Variants in VPS8 observed in about 807,000 individuals in gnomAD.
The protein encoded by VPS8 is VPS8 subunit of CORVET complex.
Under a neutral mutation model 216.4 loss-of-function variants are expected in VPS8, and 129 were observed. That is an observed-to-expected ratio of 0.60 (90% CI 0.52 to 0.69). VPS8 has a LOEUF of 0.69. Among genes scored for constraint, VPS8 ranks in the 30% least tolerant of loss-of-function variants. The pLI is 0.00. For synonymous variants in VPS8, 571 were observed against 565.4 expected, an observed-to-expected ratio of 1.01 and a Z score of -0.14; for missense variants, 1,531 against 1,683.5, an observed-to-expected ratio of 0.91 and a Z score of 1.59.
intron 22 of VPS8, among the ~76,000 whole-genome samples, chr3:184,892,642 G>T (rs1416569040): frequency 6.6e-6 from 1 of 152,166 alleles, no homozygotes; most frequent in Non-Finnish European, 1.5e-5. Context: ...GCAAATAGGA[G>T]TTGCTGAGCC....
At chr3:184,830,966 A>G (rs1012172585) in intron 3 of VPS8, among the ~76,000 whole-genome samples, 3 of 152,224 alleles carry the variant, frequency 2.0e-5, no homozygotes, top group Admixed American at 2.0e-4. Flanking sequence ...TCTTAAAGCT[A>G]TAGATATGGA....
chr3:184,867,095 A>C (rs969203302), intron 17 of VPS8, 145 bp downstream of exon 17: 1 of 632,270 alleles, frequency 1.6e-6, no homozygotes. Flanking sequence ...GGTAGGCATG[A>C]TTTTTAGTTA....
At chr3:184,823,233 C>T (rs544445490) in intron 1 of VPS8, among the ~76,000 whole-genome samples, 1 of 152,278 alleles carries the variant, frequency 6.6e-6, no homozygotes, top group East Asian at 1.9e-4. Context: ...TTATTTCAAG[C>T]CAGGCATGAT....
chr3:184,826,688 G>C (rs1577739575), intron 3 of VPS8, among the ~76,000 whole-genome samples: 1 of 152,336 alleles, frequency 6.6e-6, no homozygotes, highest in East Asian at 1.9e-4. Flanking sequence ...TGTATTATGT[G>C]TTGCTAATGG....
intron 29 of VPS8, among the ~76,000 whole-genome samples, chr3:184,924,621 A>C (rs1346833970): frequency 6.6e-6 from 1 of 152,144 alleles, no homozygotes; most frequent in Admixed American, 6.5e-5. Context: ...CTCTTTATCA[A>C]TTCAGGTCTC....
At chr3:184,875,163 A>G (rs1020136254) in intron 21 of VPS8, among the ~76,000 whole-genome samples, 1 of 149,950 alleles carries the variant, frequency 6.7e-6, no homozygotes, top group African/African-American at 2.5e-5. Context: ...GTTAGTTGAA[A>G]TTCCTATTAA....
intron 36 of VPS8, 79 bp downstream of exon 36, chr3:184,940,322 C>A: frequency 1.9e-6 from 1 of 519,570 alleles, no homozygotes; most frequent in Non-Finnish European, 2.9e-6. Context: ...AAGTTACCAG[C>A]CCATGGTATC....
chr3:184,969,141 G>A (rs186977530), intron 39 of VPS8, among the ~76,000 whole-genome samples: 1 of 151,982 alleles, frequency 6.6e-6, no homozygotes, highest in African/African-American at 2.4e-5. Context: ...CTGGGGGGAC[G>A]GCGTCTCGCT....
chr3:185,004,781 A>G (rs6414512), intron 45 of VPS8, among the ~76,000 whole-genome samples: 146,173 of 152,186 alleles, frequency 0.96, 70,487 homozygotes, highest in East Asian at 1. Flanking sequence ...TAGATCCATA[A>G]TTTGTGAATA....
At chr3:184,993,480 C>T (rs1377254633) in intron 42 of VPS8, among the ~76,000 whole-genome samples, 1 of 151,828 alleles carries the variant, frequency 6.6e-6, no homozygotes, top group Non-Finnish European at 1.5e-5. Flanking sequence ...TTTTGTTTAT[C>T]AGTAGTGACC....
intron 8 of VPS8, among the ~76,000 whole-genome samples, chr3:184,845,706 G>T (rs1722990226): frequency 6.9e-6 from 1 of 143,960 alleles, no homozygotes; most frequent in African/African-American, 2.6e-5. Context: ...GGTGAGCCCA[G>T]ATCGTGCCAT....
intron 30 of VPS8, among the ~76,000 whole-genome samples, chr3:184,926,128 C>T (rs1205937638): frequency 1.3e-5 from 2 of 150,878 alleles, no homozygotes; most frequent in East Asian, 2.0e-4. Context: ...GTAATCCCAA[C>T]ACTTTGGGAG....
intron 45 of VPS8, among the ~76,000 whole-genome samples, chr3:185,023,689 G>A (rs1561166588): frequency 6.6e-6 from 1 of 151,986 alleles, no homozygotes; most frequent in African/African-American, 2.4e-5. Context: ...AAAAAAAAAT[G>A]TAGTGCTATC....
chr3:184,954,005 T>C (rs1263324572), intron 36 of VPS8, among the ~76,000 whole-genome samples: 2 of 152,218 alleles, frequency 1.3e-5, no homozygotes, highest in African/African-American at 4.8e-5. Context: ...TAACCTGTGC[T>C]TCTGACCAAC....
At chr3:184,845,112 G>A (rs80279515) in intron 8 of VPS8, among the ~76,000 whole-genome samples, 4,072 of 152,228 alleles carry the variant, frequency 0.027, 191 homozygotes, top group African/African-American at 0.093. Context: ...TTTTCCAACT[G>A]TAGACAAAGG....
intron 45 of VPS8, among the ~76,000 whole-genome samples, chr3:185,013,349 C>G (rs144822548): frequency 1.3e-5 from 2 of 152,326 alleles, no homozygotes; most frequent in East Asian, 3.9e-4. Context: ...TGGTGAGCTA[C>G]TTCTCTTAAG....
intron 10 of VPS8, among the ~76,000 whole-genome samples, chr3:184,851,234 A>G (rs1157051775): frequency 2.0e-5 from 3 of 152,228 alleles, no homozygotes; most frequent in African/African-American, 7.2e-5. Flanking sequence ...AAAGAGAAGA[A>G]TGCAGTTGAG....
chr3:184,959,714 G>C (rs2109501006), intron 37 of VPS8, among the ~76,000 whole-genome samples: 1 of 152,160 alleles, frequency 6.6e-6, no homozygotes, highest in Middle Eastern at 3.4e-3. Context: ...ATTGGGGTTT[G>C]GGAAATTTTT....
At position 185,047,937 on chromosome 3, in the gene VPS8, A is replaced by C. The variant is rs182498929; in HGVS notation, c.4057-542A>C. On this transcript the variant is annotated intron_variant, in intron 46 of 47. Transcript: ENST00000625842. ...ACCGCAGTTTGGCAGGTCCCACCAC[A>C]ATAACAGGTGGAACAAAACATGGCT... 2.4e-4 allele frequency among the ~76,000 whole-genome samples: 37 copies of C among 152,306 alleles called. No individual in the cohort carries two copies. In the East Asian group the frequency reaches 7.1e-3, roughly 29 times the overall value.
Sources: gnomAD v4.1 joint callset for allele counts (sites outside exome capture counted in the v4.1 genomes callset) on GRCh38, gnomAD v4.1.1 for gene constraint, MANE v1.5 for transcripts, NCBI Gene and HGNC (gene_info 2026-07-23, HGNC 2026-07-21) for gene names.